The following COP1 variants were observed in gnomAD, a reference collection of about 807,000 sequenced individuals.
COP1 encodes COP1 E3 ubiquitin ligase.
A neutral mutation model predicts 101.3 loss-of-function variants in COP1; 24 were observed. That is an observed-to-expected ratio of 0.24 (90% CI 0.17 to 0.33). The LOEUF is 0.33. Ranked by LOEUF, COP1 falls within the 10% of genes least tolerant of loss-of-function variation. The pLI, the probability that COP1 is intolerant of heterozygous loss-of-function variation, is 1.00. For missense variants in COP1, 663 were observed against 906.2 expected, an observed-to-expected ratio of 0.73 and a Z score of 3.45; for synonymous variants, 347 against 341.9, an observed-to-expected ratio of 1.01 and a Z score of -0.17.
At chr1:176,073,846 T>A (rs1444121483) in intron 11 of COP1, among the ~76,000 whole-genome samples, 2 of 152,230 alleles carry the variant, frequency 1.3e-5, no homozygotes, top group Non-Finnish European at 2.9e-5. Flanking sequence ...ACCAACATTA[T>A]GTCATGCAAT....
chr1:175,989,236 A>G (rs1657838740), intron 16 of COP1, 126 bp downstream of exon 16: 2 of 508,614 alleles, frequency 3.9e-6, no homozygotes, highest in African/African-American at 3.8e-5. Flanking sequence ...AAAAAAATCT[A>G]CTATTTAAGA....
chr1:176,004,577 G>A (rs565491015), intron 15 of COP1, among the ~76,000 whole-genome samples: 1 of 152,156 alleles, frequency 6.6e-6, no homozygotes, highest in African/African-American at 2.4e-5. Flanking sequence ...GTTGCATTTT[G>A]TTGAAGGCTT....
At chr1:176,091,085 A>G (rs1015382808) in intron 9 of COP1, among the ~76,000 whole-genome samples, 1 of 152,192 alleles carries the variant, frequency 6.6e-6, no homozygotes, top group Admixed American at 6.5e-5. Flanking sequence ...AAAGGACATC[A>G]ATAATCTTAA....
chr1:175,968,404 C>T (rs4534339), intron 18 of COP1: 498,607 of 515,488 alleles, frequency 0.97, 241,873 homozygotes, highest in East Asian at 1. Flanking sequence ...AAAGGCTGTA[C>T]GGAGGGGAAC....
intron 14 of COP1, among the ~76,000 whole-genome samples, chr1:176,036,161 G>A (rs569064546): frequency 6.6e-6 from 1 of 152,046 alleles, no homozygotes; most frequent in African/African-American, 2.4e-5. Flanking sequence ...ATTTGCTAAA[G>A]TAGTGCTTAA....
At chr1:176,138,533 ACT>A (rs1042627277) in intron 6 of COP1, among the ~76,000 whole-genome samples, 3 of 152,094 alleles carry the variant, frequency 2.0e-5, no homozygotes, top group African/African-American at 7.2e-5. Flanking sequence ...TCTTAAAGAC[ACT>A]GTCTGTCCTG....
At chr1:176,183,589 A>G (rs898088598) in intron 2 of COP1, among the ~76,000 whole-genome samples, 1 of 152,162 alleles carries the variant, frequency 6.6e-6, no homozygotes, top group African/African-American at 2.4e-5. Context: ...TGATCCAGCA[A>G]TTCCACTTCT....
intron 11 of COP1, among the ~76,000 whole-genome samples, chr1:176,058,141 G>GGGT (rs1553244751): frequency 2.1e-5 from 3 of 140,294 alleles, no homozygotes; most frequent in African/African-American, 7.8e-5. Context: ...GGGGTGGGGG[G>GGGT]GGGGTCAGCC....
intron 18 of COP1, among the ~76,000 whole-genome samples, chr1:175,957,519 T>C (rs12030638): frequency 0.3 from 45,044 of 152,054 alleles, 8,072 homozygotes; most frequent in Middle Eastern, 0.41. Flanking sequence ...TCTATGATGT[T>C]TGTGCAATGA....
intron 11 of COP1, 125 bp downstream of exon 11, chr1:176,081,027 G>A: frequency 1.2e-6 from 1 of 833,804 alleles, no homozygotes. Context: ...TAAAATCACA[G>A]AACTAATAAT....
intron 6 of COP1, among the ~76,000 whole-genome samples, chr1:176,148,089 C>G (rs1355252836): frequency 6.6e-6 from 1 of 150,926 alleles, no homozygotes; most frequent in Non-Finnish European, 1.5e-5. Context: ...AAAAAAAAAA[C>G]CTGAGACACA....
chr1:176,004,047 T>C (rs1400675568), intron 15 of COP1, among the ~76,000 whole-genome samples: 3 of 146,958 alleles, frequency 2.0e-5, no homozygotes, highest in Admixed American at 6.8e-5. Flanking sequence ...TTTGTAGTTC[T>C]CCTTGAAGAG....
chr1:176,088,718 G>A (rs374832890), intron 9 of COP1, among the ~76,000 whole-genome samples: 28 of 152,104 alleles, frequency 1.8e-4, no homozygotes, highest in African/African-American at 5.3e-4. Context: ...CTATTTGGCC[G>A]GGCGCAGTGG....
intron 18 of COP1, among the ~76,000 whole-genome samples, chr1:175,955,833 T>G (rs969375615): frequency 8.3e-6 from 1 of 120,494 alleles, no homozygotes; most frequent in African/African-American, 2.9e-5. Context: ...CAAACAATGC[T>G]TAGAGATGTT....
chr1:176,193,806 A>T (rs1362176507), intron 1 of COP1, among the ~76,000 whole-genome samples: 1 of 152,174 alleles, frequency 6.6e-6, no homozygotes, highest in African/African-American at 2.4e-5. Flanking sequence ...GAGGAAAAGG[A>T]GAGTGCTTAA....
chr1:176,080,402 G>C (rs1040943606), intron 11 of COP1, among the ~76,000 whole-genome samples: 2 of 151,698 alleles, frequency 1.3e-5, no homozygotes, highest in Non-Finnish European at 2.9e-5. Context: ...AAAAGTAGAA[G>C]AATAAAAATA....
chr1:176,118,978 A>T (rs1686657294), intron 8 of COP1, among the ~76,000 whole-genome samples: 1 of 152,232 alleles, frequency 6.6e-6, no homozygotes, highest in Admixed American at 6.5e-5. Context: ...TGCAGCACAC[A>T]AAAAACAAAA....
At chr1:176,044,873 A>G (rs754559548) in intron 12 of COP1, among the ~76,000 whole-genome samples, 7 of 152,224 alleles carry the variant, frequency 4.6e-5, no homozygotes, top group Non-Finnish European at 1.0e-4. Flanking sequence ...ACAGGTAGAC[A>G]GCACATTTAA....
intron 15 of COP1, among the ~76,000 whole-genome samples, chr1:175,993,025 G>A (rs868469513): frequency 2.0e-4 from 31 of 152,230 alleles, no homozygotes; most frequent in Admixed American, 5.2e-4. Context: ...TCACACCGCC[G>A]GGTACTCCTC....
Sources: gnomAD v4.1 joint callset for allele counts (sites outside exome capture counted in the v4.1 genomes callset) on GRCh38, gnomAD v4.1.1 for gene constraint, MANE v1.5 for transcripts, NCBI Gene and HGNC (gene_info 2026-07-23, HGNC 2026-07-21) for gene names.